The following HMCN1 variants were observed in gnomAD, a reference collection of about 807,000 sequenced individuals.
The protein encoded by HMCN1 is hemicentin-1.
In HMCN1, 321 loss-of-function variants were observed where a neutral mutation model predicts 625.9. The observed-to-expected ratio is 0.51, with a 90% CI of 0.47 to 0.56. HMCN1 has a LOEUF of 0.56. Among genes scored for constraint, HMCN1 ranks in the 20% least tolerant of loss-of-function variants. The pLI is 0.00. For missense variants in HMCN1, 6,588 were observed against 6,887.3 expected (o/e 0.96, Z 1.54); for synonymous variants, 2,425 against 2,417.6 (o/e 1.00, Z -0.09).
At chr1:185,788,822 G>A (rs967257815) in intron 1 of HMCN1, among the ~76,000 whole-genome samples, 1 of 152,054 alleles carries the variant, frequency 6.6e-6, no homozygotes, top group Admixed American at 6.6e-5. Flanking sequence ...AGAAAGAAGA[G>A]TTTAATTTAT....
At chr1:186,021,558 G>A (rs539982247) in intron 35 of HMCN1, among the ~76,000 whole-genome samples, 6 of 151,766 alleles carry the variant, frequency 4.0e-5, no homozygotes, top group African/African-American at 1.5e-4. Flanking sequence ...AAAAATTATG[G>A]CATTTAAAGA....
chr1:185,812,644 G>T (rs1473860883), intron 1 of HMCN1, among the ~76,000 whole-genome samples: 2 of 152,118 alleles, frequency 1.3e-5, no homozygotes, highest in East Asian at 3.8e-4. Flanking sequence ...CAATTTATAT[G>T]TTTGTACATC....
chr1:186,069,955 C>A (rs1469516665), intron 51 of HMCN1, among the ~76,000 whole-genome samples, 179 bp downstream of exon 51: 1 of 152,220 alleles, frequency 6.6e-6, no homozygotes, highest in East Asian at 1.9e-4. Flanking sequence ...TCAATTGCTT[C>A]AAGATGTGAA....
Position 186,106,931 on chromosome 1 carries a change from A to C in HMCN1, c.10818A>C (p.Gly3606=). The change falls in exon 70 of 107, where the codon GGA becomes GGC. Residue 3606 remains glycine (G), a synonymous_variant. Transcript: ENST00000271588. ...CATGTCTGGCATCCAGTCCTGCAGG[A>C]GATGATGATAAGGAATATCTAGTGA... ...RYTCLASSPA[G]DDDKEYLVRV... is the part of the protein sequence containing the mutation. 1 of 1,612,832 alleles carries C rather than the reference A, an allele frequency of 6.2e-7. No individual in the cohort carries two copies. Among genetic ancestry groups the C allele is most frequent in the Non-Finnish European group, 8.5e-7 (1 of 1,178,824 alleles).
intron 1 of HMCN1, among the ~76,000 whole-genome samples, chr1:185,827,215 GGAAAT>G (rs896477873): frequency 1.3e-5 from 2 of 149,520 alleles, no homozygotes; most frequent in Admixed American, 6.7e-5. Flanking sequence ...AAAAATATGA[GGAAAT>G]GAAGAGGGAA....
intron 3 of HMCN1, 81 bp downstream of exon 3, chr1:185,864,709 G>A: frequency 8.0e-7 from 1 of 1,248,456 alleles, no homozygotes; most frequent in East Asian, 2.4e-5. Flanking sequence ...TCTTCCATGT[G>A]TGGTCAATAA....
chr1:186,050,807 G>T (rs1247615828), intron 42 of HMCN1, among the ~76,000 whole-genome samples: 2 of 152,066 alleles, frequency 1.3e-5, no homozygotes, highest in Non-Finnish European at 2.9e-5. Flanking sequence ...TAGGCGCTAT[G>T]CCATGTGTGG....
intron 64 of HMCN1, among the ~76,000 whole-genome samples, chr1:186,092,087 C>A (rs1223499764): frequency 6.6e-6 from 1 of 151,680 alleles, no homozygotes; most frequent in Non-Finnish European, 1.5e-5. Context: ...TATATGATAT[C>A]TTTTATATAA....
At chr1:186,036,895 T>C (rs181952002) in intron 36 of HMCN1, among the ~76,000 whole-genome samples, 1 of 152,212 alleles carries the variant, frequency 6.6e-6, no homozygotes, top group African/African-American at 2.4e-5. Flanking sequence ...CGGCCACCCA[T>C]ACAAGTATTA....
At chr1:186,175,416 A>G (rs923785124) in intron 103 of HMCN1, among the ~76,000 whole-genome samples, 3 of 152,184 alleles carry the variant, frequency 2.0e-5, no homozygotes, top group Non-Finnish European at 4.4e-5. Flanking sequence ...AATTCTCCCA[A>G]AAAGACTTAG....
intron 86 of HMCN1, among the ~76,000 whole-genome samples, chr1:186,135,405 C>A (rs1017054482): frequency 2.0e-5 from 3 of 152,098 alleles, no homozygotes; most frequent in Admixed American, 6.6e-5. Flanking sequence ...CTGTCTTTGG[C>A]CGTCTTCTCA....
intron 1 of HMCN1, among the ~76,000 whole-genome samples, chr1:185,836,629 G>A (rs972616020): frequency 1.2e-4 from 18 of 152,072 alleles, no homozygotes; most frequent in African/African-American, 4.3e-4. Flanking sequence ...TTTATCATAA[G>A]GTACTTTTGT....
chr1:186,032,153 C>T (rs1055410770), intron 36 of HMCN1, among the ~76,000 whole-genome samples: 66 of 151,906 alleles, frequency 4.3e-4, no homozygotes, highest in African/African-American at 1.4e-3. Flanking sequence ...AAAATATTAG[C>T]AAACTGTGCA....
In HMCN1 at chr1:186,087,467, A is replaced by G. The variant is rs1348260416; in HGVS notation, c.9185A>G (p.Asp3062Gly). ...VYVPPSIKDH[D>G]SESLSVVNVR... Reference sequence around the variant, plus strand: ...GTGCCCCCAAGCATTAAAGACCATGACAGTGAATCTCTTTCTGTAGTTAAT... The same window carrying G: ...GTGCCCCCAAGCATTAAAGACCATGGCAGTGAATCTCTTTCTGTAGTTAAT... Residue 3062 changes from aspartate (D) to glycine (G), a missense_variant, in exon 60 of 107, where the codon GAC (aspartate) becomes GGC (glycine). Around this residue, in one of 3 missense-constraint regions of HMCN1, gnomAD observed 4,628 missense variants for 4,853.1 expected, o/e 0.95. Transcript: ENST00000271588. 8 of 1,613,206 alleles carry G rather than the reference A, an allele frequency of 5.0e-6. No homozygotes were observed. The highest frequency in any genetic ancestry group is 1.3e-5 in the African/African-American group (1 of 74,968).
intron 2 of HMCN1, among the ~76,000 whole-genome samples, chr1:185,851,069 C>G (rs1299350327): frequency 1.3e-5 from 2 of 152,042 alleles, no homozygotes; most frequent in Non-Finnish European, 2.9e-5. Context: ...TTATAGAATA[C>G]TTTATTATTT....
chr1:186,020,267 A>ATAGATAGATAGATAGG (rs1348471610), intron 35 of HMCN1, among the ~76,000 whole-genome samples: 33 of 151,908 alleles, frequency 2.2e-4, no homozygotes, highest in African/African-American at 8.0e-4. Context: ...AGATAGATAG[A>ATAGATAGATAGATAGG]TGATAGATTT....
chr1:185,844,111 A>G (rs1233005487), intron 1 of HMCN1, among the ~76,000 whole-genome samples: 1 of 152,206 alleles, frequency 6.6e-6, no homozygotes, highest in Non-Finnish European at 1.5e-5. Flanking sequence ...GCTTGGCTTG[A>G]CAATGCTACT....
intron 86 of HMCN1, among the ~76,000 whole-genome samples, chr1:186,135,252 A>C (rs1169149616): frequency 6.6e-6 from 1 of 152,162 alleles, no homozygotes; most frequent in Non-Finnish European, 1.5e-5. Flanking sequence ...CACTATAGAC[A>C]CTGTTAATAT....
chr1:186,176,235 C>T (rs908094461), intron 103 of HMCN1, among the ~76,000 whole-genome samples: 1 of 152,120 alleles, frequency 6.6e-6, no homozygotes, highest in Non-Finnish European at 1.5e-5. Flanking sequence ...TGATTTTAAT[C>T]TGTTGGGGGA....
Sources: allele counts gnomAD v4.1 joint callset (sites outside exome capture counted in the v4.1 genomes callset), GRCh38; gene constraint gnomAD v4.1.1; regional missense constraint gnomAD v4.1.1; transcripts MANE v1.5; gene names NCBI Gene and HGNC (gene_info 2026-07-23, HGNC 2026-07-21).